The following WWOX variants were observed in gnomAD, a reference collection of about 807,000 sequenced individuals.
The protein encoded by WWOX is WW domain containing oxidoreductase.
A neutral mutation model predicts 46.2 loss-of-function variants in WWOX; 69 were observed. The observed-to-expected ratio is 1.49, with a 90% CI of 1.23 to 1.82. The LOEUF (loss-of-function observed/expected upper bound fraction) is 1.82, where lower values mean the gene tolerates loss of function less well. Among genes scored for constraint, WWOX ranks in the 40% most tolerant of loss-of-function variants. The pLI is 0.00. For synonymous variants in WWOX, 359 were observed against 202.6 expected, an observed-to-expected ratio of 1.77 and a Z score of -6.56; for missense variants, 919 against 542.6, an observed-to-expected ratio of 1.69 and a Z score of -6.89.
chr16:78,723,233 T>G (rs1327825419), intron 8 of WWOX, among the ~76,000 whole-genome samples: 1 of 152,148 alleles, frequency 6.6e-6, no homozygotes, highest in African/African-American at 2.4e-5. Context: ...TTCTTTATAT[T>G]ATAAGTTTAT....
intron 5 of WWOX, among the ~76,000 whole-genome samples, chr16:78,386,216 T>C (rs1304061472): frequency 6.6e-6 from 1 of 152,172 alleles, no homozygotes; most frequent in Non-Finnish European, 1.5e-5. Context: ...TATGCAAATG[T>C]CCAGCCCGTG....
chr16:78,152,615 C>T (rs1429427396), intron 4 of WWOX, among the ~76,000 whole-genome samples: 2 of 152,158 alleles, frequency 1.3e-5, no homozygotes, highest in East Asian at 3.9e-4. Flanking sequence ...CTGTCTAGGA[C>T]CATGTTAATT....
chr16:78,278,669 A>G (rs1302875255), intron 5 of WWOX: 1 of 1,605,474 alleles, frequency 6.2e-7, no homozygotes, highest in South Asian at 1.1e-5. Context: ...AAAGAAGGAA[A>G]AAATAAAAGA....
chr16:78,697,590 A>C (rs1440055675), intron 8 of WWOX, among the ~76,000 whole-genome samples: 1 of 152,216 alleles, frequency 6.6e-6, no homozygotes, highest in Non-Finnish European at 1.5e-5. Context: ...AAGTGGGCTA[A>C]GGACATGAAT....
chr16:79,193,479 C>T (rs960985492), intron 8 of WWOX, among the ~76,000 whole-genome samples: 4 of 152,174 alleles, frequency 2.6e-5, no homozygotes, highest in Admixed American at 1.3e-4. Context: ...CTGGGTCTTG[C>T]GTCACAGAGA....
chr16:78,896,975 C>G (rs1215586597), intron 8 of WWOX: 1 of 151,460 alleles, frequency 6.6e-6, no homozygotes, highest in South Asian at 2.1e-4. Flanking sequence ...TGCTTGTAAT[C>G]GCAGCATGTT....
chr16:78,853,287 C>G (rs887885098), intron 8 of WWOX, among the ~76,000 whole-genome samples: 1 of 152,042 alleles, frequency 6.6e-6, no homozygotes, highest in African/African-American at 2.4e-5. Context: ...GTGGCGTGAT[C>G]TCGGCTCACT....
intron 5 of WWOX, among the ~76,000 whole-genome samples, chr16:78,357,095 C>G (rs2081311323): frequency 6.6e-6 from 1 of 152,162 alleles, no homozygotes; most frequent in Non-Finnish European, 1.5e-5. Context: ...CAGGAGACAC[C>G]AGGCATAGAC....
chr16:78,405,777 A>G (rs1368993520), intron 6 of WWOX, among the ~76,000 whole-genome samples: 1 of 152,088 alleles, frequency 6.6e-6, no homozygotes, highest in Non-Finnish European at 1.5e-5. Flanking sequence ...GCTGTCAAAC[A>G]AGGTGGGCAT....
intron 8 of WWOX, among the ~76,000 whole-genome samples, chr16:78,613,384 G>A (rs1050556327): frequency 4.6e-5 from 7 of 152,126 alleles, no homozygotes; most frequent in African/African-American, 1.4e-4. Context: ...CCCTGGGGTT[G>A]CCTGAGTGTC....
At chr16:79,023,032 C>T (rs570916610) in intron 8 of WWOX, among the ~76,000 whole-genome samples, 4 of 151,688 alleles carry the variant, frequency 2.6e-5, no homozygotes, top group East Asian at 1.9e-4. Context: ...GCACTCACTG[C>T]TGTTGGCTTA....
chr16:78,526,700 C>G lies in WWOX; in HGVS notation c.1056+93948C>G, dbSNP rs565597846. ...AGCCCAGGACGTGTCAAGACTGCAG[C>G]CTTTGCTGACCTGTGACCATCTCCA... On this transcript the variant is annotated intron_variant, in intron 8 of 8. Transcript: ENST00000566780. Among the ~76,000 whole-genome samples the G allele has an allele frequency of 6.6e-5, 10 of 152,252 alleles. No homozygotes were observed. The South Asian group carries it at 2.1e-3, about 32-fold the overall frequency.
At chr16:79,079,722 A>C (rs12102852) in intron 8 of WWOX, among the ~76,000 whole-genome samples, 2 of 152,012 alleles carry the variant, frequency 1.3e-5, no homozygotes, top group Non-Finnish European at 1.5e-5. Flanking sequence ...ATAATTGTTT[A>C]TGTCTACCCC....
intron 8 of WWOX, among the ~76,000 whole-genome samples, chr16:78,445,785 T>A (rs1472960114): frequency 6.7e-6 from 1 of 148,866 alleles, no homozygotes; most frequent in Non-Finnish European, 1.5e-5. Context: ...GGCTGAAGCA[T>A]GAGAATCACT....
At chr16:78,209,885 T>C (rs2036504624) in intron 5 of WWOX, among the ~76,000 whole-genome samples, 1 of 152,218 alleles carries the variant, frequency 6.6e-6, no homozygotes, top group South Asian at 2.1e-4. Flanking sequence ...GTTACCTTCT[T>C]TCTCTTACAT....
intron 5 of WWOX, among the ~76,000 whole-genome samples, chr16:78,340,353 A>C (rs112534251): frequency 0.11 from 13,164 of 116,544 alleles, 4,028 homozygotes; most frequent in African/African-American, 0.34. Context: ...CGTGTCACCA[A>C]GCCGAACTAA....
chr16:78,789,098 T>A (rs1024715217), intron 8 of WWOX, among the ~76,000 whole-genome samples: 1 of 152,194 alleles, frequency 6.6e-6, no homozygotes, highest in Non-Finnish European at 1.5e-5. Flanking sequence ...AAGAATCCAT[T>A]GTCAAATCCA....
chr16:78,447,666 A>T (rs1267629699), intron 8 of WWOX, among the ~76,000 whole-genome samples: 2 of 152,252 alleles, frequency 1.3e-5, no homozygotes, highest in Non-Finnish European at 2.9e-5. Context: ...CTCGAGAAAG[A>T]ATAAAGAAAC....
At chr16:78,336,052 A>G (rs2080881618) in intron 5 of WWOX, among the ~76,000 whole-genome samples, 1 of 152,030 alleles carries the variant, frequency 6.6e-6, no homozygotes, top group East Asian at 1.9e-4. Flanking sequence ...AGATCAGGCC[A>G]CTGCACTCCA....
Sources: gnomAD v4.1 joint callset for allele counts (sites outside exome capture counted in the v4.1 genomes callset) on GRCh38, gnomAD v4.1.1 for gene constraint, MANE v1.5 for transcripts, NCBI Gene and HGNC (gene_info 2026-07-23, HGNC 2026-07-21) for gene names.